Variants in SLC30A3 observed in about 807,000 individuals in gnomAD.
The protein encoded by SLC30A3 is probable proton-coupled zinc antiporter SLC30A3.
SLC30A3 carries 20 observed loss-of-function variants against 35.6 expected under a neutral mutation model. The ratio of observed to expected loss-of-function variants is 0.56; its 90% confidence interval spans 0.39 to 0.82. SLC30A3 has a LOEUF of 0.82. Ranked by LOEUF, SLC30A3 falls within the 40% of genes least tolerant of loss-of-function variation. The pLI, the probability that SLC30A3 is intolerant of heterozygous loss-of-function variation, is 0.00. For missense variants in SLC30A3, 401 were observed against 530.6 expected, an observed-to-expected ratio of 0.76 and a Z score of 2.40; for synonymous variants, 217 against 224.7, an observed-to-expected ratio of 0.97 and a Z score of 0.31.
At chr2:27,264,200 T>C, upstream of SLC30A3, 1 of 522,800 alleles carries the variant, frequency 1.9e-6, no homozygotes, top group Non-Finnish European at 3.4e-6. This position sits in a 1 kb window ranked among gnomAD's most constrained non-coding sequence, Gnocchi z 6.1. Context: ...GCGTGGAGGG[T>C]GGGAATGGTT....
At chr2:27,272,022 A>G (rs755065460) in intron 1 of SLC30A3, among the ~76,000 whole-genome samples, 2 of 152,204 alleles carry the variant, frequency 1.3e-5, no homozygotes, top group Non-Finnish European at 1.5e-5. Flanking sequence ...CAGGGATGCA[A>G]TCGCCTCTTG....
rs779118396 is a variant in SLC30A3 at position 27,254,959 on chromosome 2, C to A, written c.*353G>T. 26 of 822,870 alleles carry A rather than the reference C, an allele frequency of 3.2e-5. No individual in the cohort carries two copies. In the African/African-American group the frequency reaches 3.8e-4, roughly 12 times the overall value. 51.0% of individuals were successfully genotyped at this position (822,870 alleles called of 1,614,324 possible). ...CAGGCAGATGCCCCCAGCCAGCCAG[C>A]CTGCCACACAGACAAATGGACTGCA... On this transcript the variant is annotated 3_prime_UTR_variant, in exon 8 of 8. Transcript: ENST00000233535.
In SLC30A3 at chr2:27,271,058, C is replaced by A. The variant is rs1677709194; in HGVS notation, c.-159+4119G>T. ...AGATAACCTTAAGCAGGTCAATCCG[C>A]CTTTCTGGGCTGCACTTTCTTCAAT... is the stretch of plus-strand genomic sequence containing the variant. On this transcript the variant is annotated intron_variant, in intron 1 of 5. Coordinates refer to the SLC30A3 transcript ENST00000424577. The surrounding 1 kb of genome is among the most constrained non-coding windows in gnomAD (Gnocchi z 4.3). Among the ~76,000 whole-genome samples the A allele has an allele frequency of 6.6e-6, 1 of 152,116 alleles. No homozygotes were observed. The highest frequency in any genetic ancestry group is 2.4e-5 in the African/African-American group (1 of 41,414).
chr2:27,269,361 A>T (rs1308421712), intron 1 of SLC30A3, among the ~76,000 whole-genome samples: 1 of 151,900 alleles, frequency 6.6e-6, no homozygotes, highest in Non-Finnish European at 1.5e-5. Context: ...ATGTGCCACC[A>T]CACGCAGCTA....
At position 27,271,585 on chromosome 2, in the gene SLC30A3, A is replaced by T. The variant is rs1677729612; in HGVS notation, c.-159+3592T>A. 6.6e-6 allele frequency among the ~76,000 whole-genome samples: 1 copy of T among 152,244 alleles called. No homozygotes were observed. Among genetic ancestry groups the T allele is most frequent in the African/African-American group, 2.4e-5 (1 of 41,464 alleles). On this transcript the variant is annotated intron_variant, in intron 1 of 5. Coordinates refer to the SLC30A3 transcript ENST00000424577. This position sits in a 1 kb window ranked among gnomAD's most constrained non-coding sequence, Gnocchi z 4.3. ...GAGATGAAATGATTTGTCTAAGATC[A>T]CACAGCCTGTGAGGGCCAGAGCCAG...
In SLC30A3 at chr2:27,256,087, C is replaced by A. The variant is rs1016451666; in HGVS notation, c.1018+299G>T. The A allele has an allele frequency of 5.2e-4, 219 of 421,878 alleles. 1 individual carries two copies. The highest frequency in any genetic ancestry group is 1.5e-4 in the Admixed American group (4 of 27,552). 26.1% of individuals were successfully genotyped at this position (421,878 alleles called of 1,614,324 possible). ...TGTAATTTACCTAACTGTGCCCCAT[C>A]ACTAGACCTGTAGGTACTAATGATC... On this transcript the variant is annotated intron_variant, in intron 7 of 7. Coordinates refer to ENST00000233535, the MANE Select transcript of SLC30A3 (RefSeq NM_003459.5).
intron 1 of SLC30A3, among the ~76,000 whole-genome samples, chr2:27,261,697 C>T (rs867512941): frequency 1.3e-5 from 2 of 152,134 alleles, no homozygotes; most frequent in South Asian, 2.1e-4. Context: ...AAACCCCCAA[C>T]CAACAACCGA....
At position 27,257,050 on chromosome 2, in the gene SLC30A3, G is replaced by A; in HGVS notation, c.777+104C>T. The A allele has an allele frequency of 8.2e-7, 1 of 1,226,080 alleles. No homozygotes were observed. Among genetic ancestry groups the A allele is most frequent in the Non-Finnish European group, 1.2e-6 (1 of 833,144 alleles). The allele number at this position is 1,226,080 out of a possible 1,614,324, so 76.0% of individuals were successfully genotyped here. A position where few individuals can be genotyped will look rare whatever the true frequency, so the allele number is the denominator to read the frequency against. ...CTGGGAGAGTCCTGGGAGGTGGGAG[G>A]GAGGAGCTGGAGGGAGGAGGAAGGA... is the stretch of plus-strand genomic sequence containing the variant. On this transcript the variant is annotated intron_variant, in intron 5 of 7. Transcript: ENST00000233535. This position sits in a 1 kb window ranked among gnomAD's most constrained non-coding sequence, Gnocchi z 4.7.
Position 27,262,546 on chromosome 2 carries a change from A to AG in SLC30A3, c.95+265dup, listed in dbSNP as rs1677259865. On this transcript the variant is annotated intron_variant, in intron 1 of 7. Transcript: ENST00000233535. The surrounding 1 kb of genome is among the most constrained non-coding windows in gnomAD (Gnocchi z 7.5). Reference sequence around the variant, plus strand: ...AAGGCAGGCGCCGCGGGGGTGGCGGAGGGGTCCGGCGGCCTGGGACGCCGG... The same window carrying AG: ...AAGGCAGGCGCCGCGGGGGTGGCGGAGGGGGTCCGGCGGCCTGGGACGCCGG... Among the ~76,000 whole-genome samples the AG allele has an allele frequency of 6.6e-6, 1 of 151,438 alleles. No individual in the cohort carries two copies. The highest frequency in any genetic ancestry group is 2.4e-5 in the African/African-American group (1 of 41,218).
chr2:27,264,873 ATGCCAGGGCTCTGGGTACGT>A (rs1677428145), upstream of SLC30A3, among the ~76,000 whole-genome samples: 1 of 152,158 alleles, frequency 6.6e-6, no homozygotes, highest in Non-Finnish European at 1.5e-5. The surrounding 1 kb of genome is among the most constrained non-coding windows in gnomAD (Gnocchi z 6.1). Context: ...CTGCTTAGCT[ATGCCAGGGCTCTGGGTACGT>A]CGGGCCCGGC....
chr2:27,262,082 G>T lies in SLC30A3; in HGVS notation c.95+730C>A. The T allele has an allele frequency of 6.6e-6, 1 of 152,432 alleles. No homozygotes were observed. Among genetic ancestry groups the T allele is most frequent in the South Asian group, 2.0e-4 (1 of 4,914 alleles). 9.4% of individuals were successfully genotyped at this position (152,432 alleles called of 1,614,324 possible). A position where few individuals can be genotyped will look rare whatever the true frequency, so the allele number is the denominator to read the frequency against. The stretch of plus-strand genomic sequence containing the variant: ...CAGGGAGGTCGGACGGCCGCTCAGA[G>T]GGGCAGGTGGACGGTGGCGGCAGGC... On this transcript the variant is annotated intron_variant, in intron 1 of 7. Coordinates refer to ENST00000233535, the MANE Select transcript of SLC30A3 (RefSeq NM_003459.5). This position sits in a 1 kb window ranked among gnomAD's most constrained non-coding sequence, Gnocchi z 7.5.
Position 27,258,832 on chromosome 2 carries a change from G to A in SLC30A3, c.198C>T (p.Thr66=). ...HRDPLPPPGL[T]PERLHARRQL... is the part of the protein sequence containing the mutation. ...GCCTCCGTGCATGCAGCCTCTCAGG[G>A]GTAAGGCCCGGCGGCGGAAGGGGGT... Residue 66 remains threonine (T), a synonymous_variant, in exon 2 of 8, where the codon ACC becomes ACT. Coordinates refer to ENST00000233535, the MANE Select transcript of SLC30A3 (RefSeq NM_003459.5). This position sits in a 1 kb window ranked among gnomAD's most constrained non-coding sequence, Gnocchi z 4.0. The A allele has an allele frequency of 6.2e-7, 1 of 1,614,214 alleles. No homozygotes were observed. Among genetic ancestry groups the A allele is most frequent in the Non-Finnish European group, 8.5e-7 (1 of 1,180,006 alleles).
intron 1 of SLC30A3, chr2:27,261,951 CAG>C (rs1270811985): frequency 6.6e-6 from 1 of 152,294 alleles, no homozygotes; most frequent in Non-Finnish European, 1.5e-5. Context: ...AGGAGAGAAA[CAG>C]AAAGATTGAG....
intron 1 of SLC30A3, chr2:27,275,073 T>C: frequency 1.6e-6 from 1 of 626,900 alleles, no homozygotes; most frequent in Non-Finnish European, 2.6e-6. Flanking sequence ...GTTGTGGAGG[T>C]GTTTCCGGGT....
Position 27,262,787 on chromosome 2 carries a change from G to A in SLC30A3, c.95+25C>T, listed in dbSNP as rs1409549879. 23 of 1,522,294 alleles carry A rather than the reference G, an allele frequency of 1.5e-5. No homozygotes were observed. The highest frequency in any genetic ancestry group is 1.7e-4 in the Middle Eastern group (1 of 5,808). 94.3% of individuals were successfully genotyped at this position (1,522,294 alleles called of 1,614,324 possible). A position where few individuals can be genotyped will look rare whatever the true frequency, so the allele number is the denominator to read the frequency against. Reference sequence around the variant, plus strand: ...GGTAGTAGGGTGGCGCCCCCGGGCCGAGGGCCAGCCCAGGTCTGTCCTACC... The same window carrying A: ...GGTAGTAGGGTGGCGCCCCCGGGCCAAGGGCCAGCCCAGGTCTGTCCTACC... On this transcript the variant is annotated intron_variant, in intron 1 of 7. Transcript: ENST00000233535. The surrounding 1 kb of genome is among the most constrained non-coding windows in gnomAD (Gnocchi z 7.5).
At chr2:27,273,077 T>C (rs975497162) in intron 1 of SLC30A3, among the ~76,000 whole-genome samples, 3 of 145,882 alleles carry the variant, frequency 2.1e-5, no homozygotes, top group African/African-American at 8.0e-5. Context: ...TGGATAGATA[T>C]AGATACATAT....
upstream of SLC30A3, among the ~76,000 whole-genome samples, chr2:27,266,323 T>G (rs1677494531): frequency 6.6e-6 from 1 of 152,226 alleles, no homozygotes; most frequent in Non-Finnish European, 1.5e-5. Context: ...TACCATAATC[T>G]GGTTTTCCTC....
chr2:27,255,168 G>C lies in SLC30A3; in HGVS notation c.*144C>G. ...CCACTGGGGCTGGGGCTGGGGCTGA[G>C]GCTGGGGAAACTGGCAGGTGGTAGG... On this transcript the variant is annotated 3_prime_UTR_variant, in exon 8 of 8. Transcript: ENST00000233535. This position sits in a 1 kb window ranked among gnomAD's most constrained non-coding sequence, Gnocchi z 5.2. 1 of 1,588,104 alleles carries C rather than the reference G, an allele frequency of 6.3e-7. No homozygotes were observed. Among genetic ancestry groups the C allele is most frequent in the Non-Finnish European group, 8.5e-7 (1 of 1,173,916 alleles).
exon 1 of SLC30A3, chr2:27,275,216 G>C: frequency 7.7e-7 from 1 of 1,304,112 alleles, no homozygotes; most frequent in Non-Finnish European, 1.0e-6. Flanking sequence ...TGTGTTTCCT[G>C]GAGTGAGTTG....
Sources: gnomAD v4.1 joint callset for allele counts (sites outside exome capture counted in the v4.1 genomes callset) on GRCh38, gnomAD v4.1.1 for gene constraint, Gnocchi (gnomAD v3.1) non-coding constraint, MANE v1.5 for transcripts, NCBI Gene and HGNC (gene_info 2026-07-23, HGNC 2026-07-21) for gene names.